LEPR: variants seen among roughly 807,000 people sequenced by gnomAD.
LEPR encodes OB receptor.
A neutral mutation model predicts 114.7 loss-of-function variants in LEPR; 56 were observed. That is an observed-to-expected ratio of 0.49 (90% CI 0.39 to 0.61). The LOEUF (loss-of-function observed/expected upper bound fraction) is 0.61. LEPR is among the 20% of genes least tolerant of loss of function. The pLI, the probability that LEPR is intolerant of heterozygous loss-of-function variation, is 0.00. For missense variants in LEPR, 1,202 were observed against 1,352.9 expected (o/e 0.89, Z 1.75); for synonymous variants, 443 against 461.4 (o/e 0.96, Z 0.51).
At chr1:65,470,184 A>C (rs1647065416) in intron 2 of LEPR, among the ~76,000 whole-genome samples, 1 of 152,238 alleles carries the variant, frequency 6.6e-6, no homozygotes, top group Admixed American at 6.5e-5. Flanking sequence ...ATTCTATTTT[A>C]AACACTTATT....
intron 2 of LEPR, among the ~76,000 whole-genome samples, chr1:65,550,603 C>T (rs1370266393): frequency 2.0e-5 from 3 of 152,178 alleles, no homozygotes; most frequent in Admixed American, 6.5e-5. Context: ...ACTCCGTGGG[C>T]GTAGGACCCT....
chr1:65,587,922 T>A lies in LEPR; in HGVS notation c.495-4735T>A, dbSNP rs189971614. Among the ~76,000 whole-genome samples, 495 of 152,202 alleles carry A rather than the reference T, an allele frequency of 3.3e-3. 5 individuals carry two copies. Among genetic ancestry groups the A allele is most frequent in the Middle Eastern group, 0.02 (6 of 294 alleles). Reference sequence around the variant, plus strand: ...CTAAAGCAACACTTTTCCATACTGATTTTTAAATTATTACATTTGTTAATT... The same window carrying A: ...CTAAAGCAACACTTTTCCATACTGAATTTTAAATTATTACATTTGTTAATT... On this transcript the variant is annotated intron_variant, in intron 5 of 19. Coordinates refer to ENST00000349533, the MANE Select transcript of LEPR (RefSeq NM_002303.6).
intron 2 of LEPR, among the ~76,000 whole-genome samples, chr1:65,484,200 C>A (rs996668232): frequency 6.6e-6 from 1 of 152,066 alleles, no homozygotes; most frequent in Non-Finnish European, 1.5e-5. Context: ...CACTAGGCTA[C>A]TATTGCGATA....
intron 2 of LEPR, among the ~76,000 whole-genome samples, chr1:65,530,409 G>T (rs904956357): frequency 1.1e-4 from 17 of 152,202 alleles, no homozygotes; most frequent in African/African-American, 3.4e-4. Flanking sequence ...GTAGAGTAAA[G>T]TGAAAACAAG....
At chr1:65,515,033 A>G (rs1233404247) in intron 2 of LEPR, among the ~76,000 whole-genome samples, 1 of 152,236 alleles carries the variant, frequency 6.6e-6, no homozygotes. Flanking sequence ...CATGGTCCCA[A>G]TCTGGGAGAT....
At chr1:65,526,805 TA>T (rs1408411063) in intron 2 of LEPR, among the ~76,000 whole-genome samples, 2 of 152,142 alleles carry the variant, frequency 1.3e-5, no homozygotes, top group African/African-American at 2.4e-5. Flanking sequence ...TGCCCCAGAA[TA>T]AAAAAGTATA....
chr1:65,470,680 T>C (rs1169174831), intron 2 of LEPR, among the ~76,000 whole-genome samples: 3 of 152,248 alleles, frequency 2.0e-5, no homozygotes, highest in African/African-American at 4.8e-5. Flanking sequence ...AGATTTATAA[T>C]GAAAACTCTT....
intron 10 of LEPR, 50 bp downstream of exon 10, chr1:65,602,010 A>G (rs1246822260): frequency 6.8e-7 from 1 of 1,479,736 alleles, no homozygotes; most frequent in Admixed American, 1.7e-5. Context: ...AGTGAGATAA[A>G]AATTTTCTTT....
chr1:65,428,474 A>G (rs1025595876), intron 2 of LEPR, among the ~76,000 whole-genome samples: 2 of 152,162 alleles, frequency 1.3e-5, no homozygotes, highest in African/African-American at 4.8e-5. Flanking sequence ...TTGTTTGGTG[A>G]TTCTTGAAAC....
intron 2 of LEPR, among the ~76,000 whole-genome samples, chr1:65,500,998 C>CA (rs1648422000): frequency 6.6e-6 from 1 of 152,118 alleles, no homozygotes; most frequent in African/African-American, 2.4e-5. Flanking sequence ...GTATAATGCT[C>CA]AAATCAGTGG....
chr1:65,545,209 T>A (rs1388509835), intron 2 of LEPR, among the ~76,000 whole-genome samples: 1 of 146,276 alleles, frequency 6.8e-6, no homozygotes, highest in South Asian at 2.2e-4. Context: ...TCTATCATTG[T>A]TGGACATTTG....
intron 19 of LEPR, 43 bp from the exon 20 acceptor site, chr1:65,636,148 T>A (rs1475469118): frequency 1.9e-6 from 3 of 1,611,190 alleles, no homozygotes; most frequent in African/African-American, 1.3e-5. Flanking sequence ...TGAAGCAAAA[T>A]TTTTTAACAT....
chr1:65,459,117 A>G (rs1413108452), intron 2 of LEPR, among the ~76,000 whole-genome samples: 3 of 152,158 alleles, frequency 2.0e-5, no homozygotes, highest in Non-Finnish European at 4.4e-5. Flanking sequence ...CCCAAAGTGT[A>G]GAAAGATTTT....
intron 2 of LEPR, among the ~76,000 whole-genome samples, chr1:65,456,643 TG>T (rs1646880330): frequency 6.6e-6 from 1 of 152,218 alleles, no homozygotes. Flanking sequence ...TGTTTTCTTT[TG>T]ATTAGTGTTA....
chr1:65,433,805 A>G, intron 2 of LEPR: 1 of 974,366 alleles, frequency 1.0e-6, no homozygotes, highest in Non-Finnish European at 1.2e-6. Flanking sequence ...TTAACTTTAA[A>G]AGTTTAACTT....
At chr1:65,493,102 C>G (rs1392739200) in intron 2 of LEPR, among the ~76,000 whole-genome samples, 8 of 151,884 alleles carry the variant, frequency 5.3e-5, no homozygotes, top group Admixed American at 1.3e-4. Context: ...TCTAGCCATC[C>G]CTACTTTGTC....
At chr1:65,465,442 C>A (rs1646998645) in intron 2 of LEPR, among the ~76,000 whole-genome samples, 1 of 152,098 alleles carries the variant, frequency 6.6e-6, no homozygotes, top group African/African-American at 2.4e-5. Context: ...GTTTTACTAC[C>A]AATTATGTGA....
chr1:65,502,179 T>G (rs2100526704), intron 2 of LEPR, among the ~76,000 whole-genome samples: 1 of 152,178 alleles, frequency 6.6e-6, no homozygotes, highest in East Asian at 1.9e-4. Context: ...GACAATTAAA[T>G]TGAAATGAGG....
At chr1:65,607,654 T>C (rs1656899885) in intron 11 of LEPR, among the ~76,000 whole-genome samples, 1 of 152,260 alleles carries the variant, frequency 6.6e-6, no homozygotes, top group Non-Finnish European at 1.5e-5. Flanking sequence ...CTTGGAGTCA[T>C]AACAGAGTTA....
Sources: allele counts gnomAD v4.1 joint callset (sites outside exome capture counted in the v4.1 genomes callset), GRCh38; gene constraint gnomAD v4.1.1; transcripts MANE v1.5; gene names NCBI Gene and HGNC (gene_info 2026-07-23, HGNC 2026-07-21).